SEC22C: variants seen among roughly 807,000 people sequenced by gnomAD.
SEC22C encodes the protein vesicle-trafficking protein SEC22c.
SEC22C carries 29 observed loss-of-function variants against 34.7 expected under a neutral mutation model. That is an observed-to-expected ratio of 0.84 (90% CI 0.62 to 1.14). SEC22C has a LOEUF of 1.14. Among genes scored for constraint, SEC22C ranks in the 50% most tolerant of loss-of-function variants. SEC22C has a pLI of 0.00. For synonymous variants in SEC22C, 117 were observed against 132.8 expected (o/e 0.88, Z 0.82); for missense variants, 337 against 369.0 (o/e 0.91, Z 0.71).
chr3:42,558,705 T>C (rs374994803), intron 4 of SEC22C, among the ~76,000 whole-genome samples: 2 of 152,030 alleles, frequency 1.3e-5, no homozygotes, highest in African/African-American at 4.8e-5. Flanking sequence ...GGTGGGAGGA[T>C]AGCTTGAGCC....
chr3:42,597,399 C>CA, intron 1 of SEC22C, among the ~76,000 whole-genome samples: 1 of 152,082 alleles, frequency 6.6e-6, no homozygotes, highest in Admixed American at 6.5e-5. Flanking sequence ...ACTAAAAATA[C>CA]AAAAAAATTA....
rs140422556 is a variant in SEC22C, at chr3:42,553,191, A to G, written c.*57T>C. 847 of 1,596,902 alleles carry G rather than the reference A, an allele frequency of 5.3e-4. 3 individuals carry two copies. In the African/African-American group the frequency reaches 9.2e-3, roughly 17 times the overall value. The stretch of plus-strand genomic sequence containing the variant: ...GTGTAAAGTAGAGAAGCAGAAAGAG[A>G]AACATAGATTGATCCTCAAAAGAAA... On this transcript the variant is annotated 3_prime_UTR_variant, in exon 7 of 7. Transcript: ENST00000264454.
intron 5 of SEC22C, among the ~76,000 whole-genome samples, chr3:42,556,522 G>A (rs1345885019): frequency 1.3e-5 from 2 of 152,158 alleles, no homozygotes; most frequent in African/African-American, 2.4e-5. Flanking sequence ...ACAGGATGTG[G>A]TAACAGGCAG....
At chr3:42,588,159 T>G (rs552280467) in intron 1 of SEC22C, among the ~76,000 whole-genome samples, 49 of 151,756 alleles carry the variant, frequency 3.2e-4, no homozygotes, top group African/African-American at 1.2e-3. Flanking sequence ...ATCCCAGCAC[T>G]TTGGGAGGCC....
intron 2 of SEC22C, among the ~76,000 whole-genome samples, chr3:42,567,013 G>A (rs769643765): frequency 6.6e-6 from 1 of 152,110 alleles, no homozygotes; most frequent in Non-Finnish European, 1.5e-5. Flanking sequence ...TCCTGGGCTT[G>A]AGCAATCCTC....
Position 42,549,745 on chromosome 3 carries a change from G to A in SEC22C, c.*3503C>T, listed in dbSNP as rs754721470. 7 of 985,404 alleles carry A rather than the reference G, an allele frequency of 7.1e-6. No individual in the cohort carries two copies. Among genetic ancestry groups the A allele is most frequent in the Non-Finnish European group, 8.4e-6 (7 of 829,996 alleles). The allele number at this position is 985,404 out of a possible 1,614,324, so 61.0% of individuals were successfully genotyped here. Reference sequence around the variant, plus strand: ...CAGAGCTGGAATGTATAGGGCAGAGGTAGAAAGAGGCAGGAGAGTTGGAGA... The same window carrying A: ...CAGAGCTGGAATGTATAGGGCAGAGATAGAAAGAGGCAGGAGAGTTGGAGA... On this transcript the variant is annotated 3_prime_UTR_variant, in exon 7 of 7. Coordinates refer to ENST00000264454, the MANE Select transcript of SEC22C (RefSeq NM_032970.4).
intron 1 of SEC22C, among the ~76,000 whole-genome samples, chr3:42,571,537 T>C (rs750616010): frequency 1.2e-4 from 18 of 152,316 alleles, no homozygotes; most frequent in Admixed American, 3.3e-4. Context: ...CGGAAGAGTA[T>C]AAGAATGAAG....
intron 4 of SEC22C, among the ~76,000 whole-genome samples, chr3:42,558,801 T>G (rs1465098638): frequency 2.0e-5 from 3 of 151,694 alleles, no homozygotes; most frequent in Non-Finnish European, 2.9e-5. Context: ...CAAAAAAAAA[T>G]TAAATAAGTA....
chr3:42,591,426 C>T, intron 1 of SEC22C: 1 of 859,858 alleles, frequency 1.2e-6, no homozygotes, highest in Non-Finnish European at 2.0e-6. Context: ...AACTCCTGAC[C>T]TCGTGATCCG....
At chr3:42,556,912 G>A (rs1702564253) in intron 5 of SEC22C, among the ~76,000 whole-genome samples, 1 of 151,984 alleles carries the variant, frequency 6.6e-6, no homozygotes, top group African/African-American at 2.4e-5. Flanking sequence ...TAGTAGAGAT[G>A]GGTTTTCACC....
At chr3:42,591,995 ACTG>A in intron 1 of SEC22C, among the ~76,000 whole-genome samples, 1 of 152,230 alleles carries the variant, frequency 6.6e-6, no homozygotes, top group Admixed American at 6.5e-5. Context: ...AGGCCATTTG[ACTG>A]CTAAGCTTCC....
chr3:42,551,503 G>T lies in SEC22C; in HGVS notation c.*1745C>A. The T allele has an allele frequency of 2.0e-6, 1 of 493,636 alleles. No homozygotes were observed. Among genetic ancestry groups the T allele is most frequent in the Non-Finnish European group, 2.6e-6 (1 of 380,780 alleles). 30.6% of individuals were successfully genotyped at this position (493,636 alleles called of 1,614,324 possible). ...ATTACAGGCATGTGCCATCACATCC[G>T]GCTAATTTTTTTTTTTGTAGAGATG... is the stretch of plus-strand genomic sequence containing the variant. On this transcript the variant is annotated 3_prime_UTR_variant, in exon 7 of 7. Coordinates refer to ENST00000264454, the MANE Select transcript of SEC22C (RefSeq NM_032970.4).
chr3:42,564,631 T>A (rs1703123283), intron 2 of SEC22C, among the ~76,000 whole-genome samples: 1 of 152,234 alleles, frequency 6.6e-6, no homozygotes, highest in Non-Finnish European at 1.5e-5. Context: ...GTGAAATTTA[T>A]TTTTCCTTCC....
intron 6 of SEC22C, among the ~76,000 whole-genome samples, chr3:42,553,808 G>C (rs969908589): frequency 6.6e-6 from 1 of 152,344 alleles, no homozygotes; most frequent in African/African-American, 2.4e-5. Flanking sequence ...TAACGTGACT[G>C]ACTGGCCCCC....
chr3:42,569,424 A>G (rs1446396000), intron 1 of SEC22C, among the ~76,000 whole-genome samples: 1 of 152,208 alleles, frequency 6.6e-6, no homozygotes, highest in Non-Finnish European at 1.5e-5. Context: ...AGCAGGACAC[A>G]GAGCAAGACA....
intron 1 of SEC22C, among the ~76,000 whole-genome samples, chr3:42,595,464 A>C (rs867014450): frequency 6.6e-6 from 1 of 152,226 alleles, no homozygotes; most frequent in African/African-American, 2.4e-5. Flanking sequence ...TTTAGCAGGA[A>C]TATATTAGAA....
At chr3:42,581,194 A>T (rs1328788495) in intron 1 of SEC22C, 1 of 152,246 alleles carries the variant, frequency 6.6e-6, no homozygotes, top group East Asian at 1.9e-4. Flanking sequence ...TGCAAAATGT[A>T]ATTAAATATT....
chr3:42,590,863 T>G (rs1252437537), intron 1 of SEC22C: 1 of 1,612,476 alleles, frequency 6.2e-7, no homozygotes, highest in South Asian at 1.1e-5. Flanking sequence ...GTGGGTCGAG[T>G]TGCTTGGCGG....
chr3:42,583,801 A>C (rs1319766693), upstream of SEC22C, among the ~76,000 whole-genome samples: 2 of 152,216 alleles, frequency 1.3e-5, no homozygotes, highest in Non-Finnish European at 2.9e-5. Context: ...CCTTGGCATC[A>C]GAATTCCCCG....
Sources: gnomAD v4.1 joint callset for allele counts (sites outside exome capture counted in the v4.1 genomes callset) on GRCh38, gnomAD v4.1.1 for gene constraint, MANE v1.5 for transcripts, NCBI Gene and HGNC (gene_info 2026-07-23, HGNC 2026-07-21) for gene names.